AUTS2: variants seen among roughly 807,000 people sequenced by gnomAD.
AUTS2 encodes activator of transcription and developmental regulator AUTS2.
Under a neutral mutation model 112.4 loss-of-function variants are expected in AUTS2, and 17 were observed. That is an observed-to-expected ratio of 0.15 (90% CI 0.10 to 0.23). AUTS2 has a LOEUF of 0.23. Among genes scored for constraint, AUTS2 ranks in the 10% least tolerant of loss-of-function variants. AUTS2 has a pLI of 1.00. For synonymous variants in AUTS2, 751 were observed against 702.7 expected, an observed-to-expected ratio of 1.07 and a Z score of -1.09; for missense variants, 1,510 against 1,701.6, an observed-to-expected ratio of 0.89 and a Z score of 1.98.
chr7:70,643,183 A>G (rs977613634), intron 5 of AUTS2, among the ~76,000 whole-genome samples: 4 of 152,292 alleles, frequency 2.6e-5, no homozygotes, highest in African/African-American at 7.2e-5. Flanking sequence ...ATACTGGACT[A>G]TGTCTCCATC....
intron 6 of AUTS2, among the ~76,000 whole-genome samples, chr7:70,757,345 T>C (rs1387177936): frequency 6.6e-6 from 1 of 152,218 alleles, no homozygotes; most frequent in Non-Finnish European, 1.5e-5. Context: ...CACTCTCTTA[T>C]TAGTTCTAAT....
At chr7:70,111,137 C>T (rs1343315461) in intron 2 of AUTS2, among the ~76,000 whole-genome samples, 3 of 152,016 alleles carry the variant, frequency 2.0e-5, no homozygotes, top group African/African-American at 7.2e-5. Context: ...CCTCGGCCTC[C>T]CAAAGTACTG....
chr7:69,805,244 A>G (rs1230371667), intron 1 of AUTS2, among the ~76,000 whole-genome samples: 1 of 152,212 alleles, frequency 6.6e-6, no homozygotes. Context: ...ATACACCAAC[A>G]TTACATTTGT....
chr7:70,490,205 G>GT (rs1261773666), intron 5 of AUTS2, among the ~76,000 whole-genome samples: 1 of 151,998 alleles, frequency 6.6e-6, no homozygotes, highest in Non-Finnish European at 1.5e-5. Context: ...GAAAACAACA[G>GT]TAGAGAAACC....
At chr7:70,702,104 C>A (rs1018274937) in intron 6 of AUTS2, among the ~76,000 whole-genome samples, 3 of 152,238 alleles carry the variant, frequency 2.0e-5, no homozygotes, top group Non-Finnish European at 4.4e-5. Flanking sequence ...AAAATGAGTT[C>A]TTTGCTGCAC....
intron 4 of AUTS2, among the ~76,000 whole-genome samples, chr7:70,147,143 G>A (rs945884447): frequency 2.0e-5 from 3 of 151,708 alleles, no homozygotes; most frequent in Non-Finnish European, 4.4e-5. Context: ...GATCATTTGA[G>A]CCCAGGAGAT....
At chr7:69,927,087 G>A (rs887999558) in intron 2 of AUTS2, among the ~76,000 whole-genome samples, 17 of 147,316 alleles carry the variant, frequency 1.2e-4, no homozygotes, top group East Asian at 9.8e-4. Context: ...CCACAAGGCC[G>A]CAAGAAAGAG....
chr7:70,591,058 A>G (rs1182892716), intron 5 of AUTS2, among the ~76,000 whole-genome samples: 1 of 152,160 alleles, frequency 6.6e-6, no homozygotes, highest in African/African-American at 2.4e-5. Flanking sequence ...AGTGCTTGGA[A>G]CTAAGACAGA....
chr7:69,646,194 A>G (rs1302363740), intron 1 of AUTS2, among the ~76,000 whole-genome samples: 1 of 152,110 alleles, frequency 6.6e-6, no homozygotes, highest in African/African-American at 2.4e-5. Flanking sequence ...CAGTTTCCCA[A>G]TTACCCAATT....
chr7:70,416,698 T>C (rs1357619798), intron 4 of AUTS2, among the ~76,000 whole-genome samples: 1 of 152,208 alleles, frequency 6.6e-6, no homozygotes, highest in Non-Finnish European at 1.5e-5. Context: ...TCATCCCAGC[T>C]GCTACCACAG....
chr7:69,729,994 ATTTTTTT>A (rs10684331), intron 1 of AUTS2, among the ~76,000 whole-genome samples: 6 of 56,750 alleles, frequency 1.1e-4, no homozygotes, highest in African/African-American at 5.1e-4. Context: ...TGTTGTTTTA[ATTTTTTT>A]TTTTTTTTTT....
chr7:70,743,445 G>A (rs1370393266), intron 6 of AUTS2, among the ~76,000 whole-genome samples: 2 of 143,138 alleles, frequency 1.4e-5, no homozygotes, highest in Non-Finnish European at 1.5e-5. Context: ...CTCCAGCCTG[G>A]CTGACAGAGG....
At position 70,793,423 on chromosome 7, in the gene AUTS2, C is replaced by G. The variant is rs1218972698; in HGVS notation, c.*2427C>G. 6.6e-6 allele frequency: 1 copy of G among 151,962 alleles called. No homozygotes were observed. The highest frequency in any genetic ancestry group is 2.4e-5 in the African/African-American group (1 of 41,334). 9.4% of individuals were successfully genotyped at this position (151,962 alleles called of 1,614,324 possible). A position where few individuals can be genotyped will look rare whatever the true frequency, so the allele number is the denominator to read the frequency against. ...GGTGTAGTCCTCATCAGTTTGCAGT[C>G]TCCCTGTCCTCTAAAATCTGTTTTG... On this transcript the variant is annotated 3_prime_UTR_variant, in exon 19 of 19. Transcript: ENST00000342771.
chr7:70,401,079 A>C (rs1794307506), intron 4 of AUTS2, among the ~76,000 whole-genome samples: 1 of 152,208 alleles, frequency 6.6e-6, no homozygotes, highest in African/African-American at 2.4e-5. Context: ...TTTGAGAGGC[A>C]GTCAGCAAGG....
intron 5 of AUTS2, among the ~76,000 whole-genome samples, chr7:70,564,272 A>G (rs1431629327): frequency 1.3e-5 from 2 of 152,346 alleles, no homozygotes; most frequent in Admixed American, 6.5e-5. Context: ...AGGGTGTCAG[A>G]CTGCCTCAAT....
intron 2 of AUTS2, among the ~76,000 whole-genome samples, chr7:70,059,893 G>C (rs1009698252): frequency 6.6e-6 from 1 of 152,120 alleles, no homozygotes; most frequent in African/African-American, 2.4e-5. Flanking sequence ...GCTTGACCTT[G>C]CCTAGTTCCA....
At position 70,774,082 on chromosome 7, in the gene AUTS2, C is replaced by T; in HGVS notation, c.1885C>T (p.Leu629Phe). The T allele has an allele frequency of 6.2e-7, 1 of 1,614,224 alleles. No individual in the cohort carries two copies. The highest frequency in any genetic ancestry group is 8.5e-7 in the Non-Finnish European group (1 of 1,180,034). ...GCCTGGGACAGTCCCACACACTTTACTCCAAAAGGACCCGAGGGTACGTGC... is the reference window on the plus strand; with the variant it reads ...GCCTGGGACAGTCCCACACACTTTATTCCAAAAGGACCCGAGGGTACGTGC... Reference protein sequence around the residue: ...ARPGTVPHTLLQKDPRLTDPF... With the variant: ...ARPGTVPHTLFQKDPRLTDPF... Residue 629 changes from leucine to phenylalanine, a missense_variant, in exon 12 of 19, where the codon CTC becomes TTC. Physicochemically the swap from Leu to Phe is conservative, Grantham distance 22 (BLOSUM62 0). Coordinates refer to ENST00000342771, the MANE Select transcript of AUTS2 (RefSeq NM_015570.4).
intron 1 of AUTS2, among the ~76,000 whole-genome samples, chr7:69,891,917 C>CT (rs1794543271): frequency 6.8e-6 from 1 of 146,116 alleles, no homozygotes; most frequent in African/African-American, 2.5e-5. Flanking sequence ...CCTCAGCCTC[C>CT]GAGTAGCTGG....
At chr7:70,101,417 A>G (rs978662985) in intron 2 of AUTS2, among the ~76,000 whole-genome samples, 1 of 151,756 alleles carries the variant, frequency 6.6e-6, no homozygotes, top group Non-Finnish European at 1.5e-5. Context: ...CCTTCCTTCT[A>G]AAAAGAGTGG....
Sources: gnomAD v4.1 joint callset for allele counts (sites outside exome capture counted in the v4.1 genomes callset) on GRCh38, gnomAD v4.1.1 for gene constraint, MANE v1.5 for transcripts, NCBI Gene and HGNC (gene_info 2026-07-23, HGNC 2026-07-21) for gene names.